DAZAP1: variants seen among roughly 807,000 people sequenced by gnomAD.
DAZAP1 encodes the protein DAZ associated protein 1, also known as DAZ-associated protein 1.
Under a neutral mutation model 60.1 loss-of-function variants are expected in DAZAP1, and 6 were observed. The observed-to-expected ratio is 0.10, with a 90% CI of 0.05 to 0.20. DAZAP1 has a LOEUF of 0.20. Ranked by LOEUF, DAZAP1 falls within the 10% of genes least tolerant of loss-of-function variation. The probability of loss-of-function intolerance (pLI) is 1.00; values close to 1 mark genes in which losing one functional copy is unlikely to be tolerated. For synonymous variants in DAZAP1, 235 were observed against 215.9 expected (o/e 1.09, Z -0.78); for missense variants, 366 against 560.4 (o/e 0.65, Z 3.50).
rs963714706 is a variant in DAZAP1 at position 1,435,124 on chromosome 19, C to G, written c.*212C>G. On this transcript the variant is annotated 3_prime_UTR_variant, in exon 12 of 12. Coordinates refer to ENST00000233078, the MANE Select transcript of DAZAP1 (RefSeq NM_018959.4). ...ACCCATCAGCACAATAAAAAAAAGT[C>G]ACTGGTTCAACAACAGGGTTTAAAA... The G allele has an allele frequency of 5.7e-6, 2 of 351,056 alleles. No individual in the cohort carries two copies. Among genetic ancestry groups the G allele is most frequent in the Non-Finnish European group, 5.0e-6 (1 of 198,802 alleles). The allele number at this position is 351,056 out of a possible 1,614,324, so 21.7% of individuals were successfully genotyped here. A position where few individuals can be genotyped will look rare whatever the true frequency, so the allele number is the denominator to read the frequency against.
At chr19:1,421,367 G>A in intron 5 of DAZAP1, 109 bp downstream of exon 5, 2 of 905,832 alleles carry the variant, frequency 2.2e-6, no homozygotes, top group Non-Finnish European at 3.5e-6. Flanking sequence ...GGGCCTTTCA[G>A]GCTGGGAGCT....
chr19:1,432,630 G>A lies in DAZAP1; in HGVS notation c.988G>A (p.Ala330Thr). 4 of 1,613,508 alleles carry A rather than the reference G, an allele frequency of 2.5e-6. No homozygotes were observed. The highest frequency in any genetic ancestry group is 1.3e-5 in the African/African-American group (1 of 75,030). The change falls in exon 11 of 12, where the codon GCT becomes ACT. Residue 330 changes from alanine to threonine, a missense_variant. Ala to Thr is a moderately conservative substitution (Grantham distance 58, BLOSUM62 0). Transcript: ENST00000233078. This position sits in a 1 kb window ranked among gnomAD's most constrained non-coding sequence, Gnocchi z 4.9. The stretch of plus-strand genomic sequence containing the variant: ...GGCTTTCCCACCGCCTCCGTCTCAG[G>A]CTGCCCCGGACATGAGCAAGCCCCC... Reference protein sequence around the residue: ...PLAFPPPPSQAAPDMSKPPTA... With the variant: ...PLAFPPPPSQTAPDMSKPPTA...
Position 1,418,527 on chromosome 19 carries a change from G to T in DAZAP1, c.238-139G>T. On this transcript the variant is annotated intron_variant, in intron 3 of 11. Transcript: ENST00000233078. This position sits in a 1 kb window ranked among gnomAD's most constrained non-coding sequence, Gnocchi z 5.7. ...AGCCTTGGTGCTGAGGCTGGATATT[G>T]CAGGAGGATACAGGGTGAATGGAGC... 1.4e-6 allele frequency: 2 copies of T among 1,429,600 alleles called. No homozygotes were observed. Among genetic ancestry groups the T allele is most frequent in the Admixed American group, 1.7e-5 (1 of 58,260 alleles). 88.6% of individuals were successfully genotyped at this position (1,429,600 alleles called of 1,614,324 possible). A position where few individuals can be genotyped will look rare whatever the true frequency, so the allele number is the denominator to read the frequency against.
rs764023209 is a variant in DAZAP1, at chr19:1,422,411, A to C, written c.463+15A>C. On this transcript the variant is annotated intron_variant, in intron 6 of 11. Transcript: ENST00000233078. The surrounding 1 kb of genome is among the most constrained non-coding windows in gnomAD (Gnocchi z 4.5). ...GAGGCCCCGAGGTAAGGGCAGATCT[A>C]GTTTGACCTCGGCCTTCTCCCTGCT... is the stretch of plus-strand genomic sequence containing the variant. The C allele has an allele frequency of 6.2e-7, 1 of 1,612,874 alleles. No homozygotes were observed. Among genetic ancestry groups the C allele is most frequent in the African/African-American group, 1.3e-5 (1 of 74,826 alleles).
chr19:1,417,256 C>T, intron 1 of DAZAP1: 1 of 554,794 alleles, frequency 1.8e-6, no homozygotes, highest in Non-Finnish European at 3.2e-6. Flanking sequence ...CGCATGAGGT[C>T]AGCGTGCGGC....
chr19:1,419,851 A>G (rs1418082250), intron 4 of DAZAP1, among the ~76,000 whole-genome samples: 1 of 147,492 alleles, frequency 6.8e-6, no homozygotes, highest in Admixed American at 6.8e-5. Flanking sequence ...ACACTCGTGA[A>G]ACCATCCCGA....
At chr19:1,410,203 C>A (rs2082786309) in intron 1 of DAZAP1, 1 of 152,254 alleles carries the variant, frequency 6.6e-6, no homozygotes, top group Non-Finnish European at 1.5e-5. Flanking sequence ...TGAAAGTCAG[C>A]TGAGGCCTGC....
At chr19:1,412,203 G>C (rs914828535) in intron 1 of DAZAP1, among the ~76,000 whole-genome samples, 1 of 152,140 alleles carries the variant, frequency 6.6e-6, no homozygotes, top group Non-Finnish European at 1.5e-5. Flanking sequence ...CCCTGCAGGC[G>C]TGGGCTGGAG....
At chr19:1,431,085 A>G (rs374691481) in intron 10 of DAZAP1, among the ~76,000 whole-genome samples, 3 of 151,878 alleles carry the variant, frequency 2.0e-5, no homozygotes, top group Admixed American at 6.6e-5. Flanking sequence ...AGCTGAGTGT[A>G]AGATCAGCCG....
chr19:1,432,459 G>T lies in DAZAP1; in HGVS notation c.872-55G>T. On this transcript the variant is annotated intron_variant, in intron 10 of 11. Transcript: ENST00000233078. This position sits in a 1 kb window ranked among gnomAD's most constrained non-coding sequence, Gnocchi z 4.9. Reference sequence around the variant, plus strand: ...TGGGCTGGGTGTGGGTCTCCTGCTGGTCTGCCCCCAGCTGCACAACGTGTC... The same window carrying T: ...TGGGCTGGGTGTGGGTCTCCTGCTGTTCTGCCCCCAGCTGCACAACGTGTC... 6.3e-7 allele frequency: 1 copy of T among 1,592,808 alleles called. No homozygotes were observed. The highest frequency in any genetic ancestry group is 2.2e-5 in the East Asian group (1 of 44,738).
chr19:1,433,452 T>C lies in DAZAP1; in HGVS notation c.1048+762T>C. 1 of 450,308 alleles carries C rather than the reference T, an allele frequency of 2.2e-6. No individual in the cohort carries two copies. Among genetic ancestry groups the C allele is most frequent in the Admixed American group, 3.7e-5 (1 of 27,136 alleles). The allele number at this position is 450,308 out of a possible 1,614,324, so 27.9% of individuals were successfully genotyped here. A position where few individuals can be genotyped will look rare whatever the true frequency, so the allele number is the denominator to read the frequency against. The stretch of plus-strand genomic sequence containing the variant: ...GGTGGCCACGGGCTTCCGGGGTGCC[T>C]GTGAACACGCTTCCTCTAGGCCTGG... On this transcript the variant is annotated intron_variant, in intron 11 of 11. Transcript: ENST00000233078. The surrounding 1 kb of genome is among the most constrained non-coding windows in gnomAD (Gnocchi z 6.1).
Position 1,433,652 on chromosome 19 carries a change from G to T in DAZAP1, c.1048+962G>T. On this transcript the variant is annotated intron_variant, in intron 11 of 11. Transcript: ENST00000233078. This position sits in a 1 kb window ranked among gnomAD's most constrained non-coding sequence, Gnocchi z 6.1. ...GTCTGAGACTGGCAGGGGGGTGTGA[G>T]GCGCCCGGTTGGGGCGTGGCGTGTG... 8.9e-7 allele frequency: 1 copy of T among 1,117,770 alleles called. No homozygotes were observed. The allele number at this position is 1,117,770 out of a possible 1,614,324, so 69.2% of individuals were successfully genotyped here.
chr19:1,431,395 C>T (rs568730143), intron 10 of DAZAP1, among the ~76,000 whole-genome samples: 1 of 152,092 alleles, frequency 6.6e-6, no homozygotes, highest in African/African-American at 2.4e-5. Flanking sequence ...TCCCAAAGCG[C>T]TGGGATTAGA....
chr19:1,432,864 TC>T lies in DAZAP1; in HGVS notation c.1048+176del. 1.5e-6 allele frequency: 1 copy of T among 687,036 alleles called. No homozygotes were observed. Among genetic ancestry groups the T allele is most frequent in the Non-Finnish European group, 2.4e-6 (1 of 416,698 alleles). 42.6% of individuals were successfully genotyped at this position (687,036 alleles called of 1,614,324 possible). On this transcript the variant is annotated intron_variant, in intron 11 of 11. Coordinates refer to ENST00000233078, the MANE Select transcript of DAZAP1 (RefSeq NM_018959.4). The surrounding 1 kb of genome is among the most constrained non-coding windows in gnomAD (Gnocchi z 4.9). ...TGGAGAGATCTCGTGGCAACTCGGGTCCAGCAGAAGGGAGCGTGGGAGTCTT... is the reference window on the plus strand; with the variant it reads ...TGGAGAGATCTCGTGGCAACTCGGGTCAGCAGAAGGGAGCGTGGGAGTCTT...
chr19:1,415,704 GGGAGACGTA>G (rs2082963445), intron 1 of DAZAP1: 1 of 152,190 alleles, frequency 6.6e-6, no homozygotes, highest in African/African-American at 2.4e-5. Flanking sequence ...AAGGGTGCGT[GGGAGACGTA>G]GGATTTTAAG....
Position 1,421,113 on chromosome 19 carries a change from C to T in DAZAP1, c.304-35C>T, listed in dbSNP as rs200025745. The stretch of plus-strand genomic sequence containing the variant: ...GCTCGCGGGAGGGTTTGGAGGGTTC[C>T]CGTGTGAACTAACTATCCTTCCCTT... On this transcript the variant is annotated intron_variant, in intron 4 of 11. Transcript: ENST00000233078. 2.9e-5 allele frequency: 46 copies of T among 1,601,482 alleles called. No individual in the cohort carries two copies. In the East Asian group the frequency reaches 9.4e-4, roughly 33 times the overall value.
rs1440158949 is a variant in DAZAP1, at chr19:1,428,548, C to G, written c.547-294C>G. ...CTTGAGTGAAAGACCCTTCGTCACGCACGAAACCCCCGAGGGCTCTGGGCT... is the reference window on the plus strand; with the variant it reads ...CTTGAGTGAAAGACCCTTCGTCACGGACGAAACCCCCGAGGGCTCTGGGCT... On this transcript the variant is annotated intron_variant, in intron 7 of 11. Coordinates refer to ENST00000233078, the MANE Select transcript of DAZAP1 (RefSeq NM_018959.4). The surrounding 1 kb of genome is among the most constrained non-coding windows in gnomAD (Gnocchi z 4.0). 6.1e-6 allele frequency: 2 copies of G among 327,524 alleles called. No individual in the cohort carries two copies. Among genetic ancestry groups the G allele is most frequent in the Non-Finnish European group, 1.1e-5 (2 of 178,554 alleles). The allele number at this position is 327,524 out of a possible 1,614,324, so 20.3% of individuals were successfully genotyped here. A position where few individuals can be genotyped will look rare whatever the true frequency, so the allele number is the denominator to read the frequency against.
chr19:1,411,761 G>A (rs1401424079), intron 1 of DAZAP1, among the ~76,000 whole-genome samples: 1 of 152,238 alleles, frequency 6.6e-6, no homozygotes, highest in African/African-American at 2.4e-5. Flanking sequence ...GTCACCCCAG[G>A]GGGTGGAAGA....
In DAZAP1 at chr19:1,432,823, G is replaced by A. The variant is rs907647784; in HGVS notation, c.1048+133G>A. 1.9e-6 allele frequency: 2 copies of A among 1,074,818 alleles called. No homozygotes were observed. The highest frequency in any genetic ancestry group is 1.6e-5 in the South Asian group (1 of 62,806). The allele number at this position is 1,074,818 out of a possible 1,614,324, so 66.6% of individuals were successfully genotyped here. A position where few individuals can be genotyped will look rare whatever the true frequency, so the allele number is the denominator to read the frequency against. On this transcript the variant is annotated intron_variant, in intron 11 of 11. Coordinates refer to ENST00000233078, the MANE Select transcript of DAZAP1 (RefSeq NM_018959.4). The surrounding 1 kb of genome is among the most constrained non-coding windows in gnomAD (Gnocchi z 4.9). The stretch of plus-strand genomic sequence containing the variant: ...TGGGAAAGGGGAGAGGGAGGAGAGG[G>A]GGGTGTGGGGGTTGTTGGAGAGATC...
Sources: gnomAD v4.1 joint callset for allele counts (sites outside exome capture counted in the v4.1 genomes callset) on GRCh38, gnomAD v4.1.1 for gene constraint, Gnocchi (gnomAD v3.1) non-coding constraint, MANE v1.5 for transcripts, NCBI Gene and HGNC (gene_info 2026-07-23, HGNC 2026-07-21) for gene names.